MGMT: variants seen among roughly 807,000 people sequenced by gnomAD.
MGMT encodes the protein O-6-methylguanine-DNA methyltransferase.
MGMT carries 14 observed loss-of-function variants against 15.9 expected under a neutral mutation model. The observed-to-expected ratio is 0.88, with a 90% confidence interval of 0.58 to 1.37. MGMT has a LOEUF of 1.37. Among genes scored for constraint, MGMT ranks in the 40% most tolerant of loss-of-function variants. The probability of loss-of-function intolerance (pLI) is 0.00; values close to 1 mark genes in which losing one functional copy is unlikely to be tolerated. For missense variants in MGMT, 282 were observed against 268.1 expected (o/e 1.05, Z -0.36); for synonymous variants, 130 against 118.2 (o/e 1.10, Z -0.65).
chr10:129,484,988 A>G (rs1845394467), intron 1 of MGMT, among the ~76,000 whole-genome samples: 3 of 151,294 alleles, frequency 2.0e-5, no homozygotes, highest in South Asian at 4.1e-4. Flanking sequence ...TGTATTACAT[A>G]TATATGTATA....
intron 1 of MGMT, among the ~76,000 whole-genome samples, chr10:129,527,132 G>T (rs149082158): frequency 1.3e-5 from 2 of 152,178 alleles, no homozygotes; most frequent in Non-Finnish European, 2.9e-5. Flanking sequence ...CTGTTGAATC[G>T]CCTGGGCGTC....
At chr10:129,501,265 C>A (rs1052804284) in intron 1 of MGMT, among the ~76,000 whole-genome samples, 2 of 152,200 alleles carry the variant, frequency 1.3e-5, no homozygotes, top group Non-Finnish European at 2.9e-5. Context: ...CCTGATACCT[C>A]TCAGAGCTAC....
intron 3 of MGMT, among the ~76,000 whole-genome samples, chr10:129,727,689 G>T (rs1848449074): frequency 6.6e-6 from 1 of 152,132 alleles, no homozygotes; most frequent in Admixed American, 6.5e-5. Flanking sequence ...GCTGTCTCTT[G>T]TGTACAAATG....
chr10:129,767,115 TGC>T lies in MGMT; in HGVS notation c.*119_*120del, dbSNP rs1419614804. ...GCAGTGTCCTGGGAACAAGCGTGTC[TGC>T]CCTTTCTGTTTCCATATTTTACAGC... On this transcript the variant is annotated 3_prime_UTR_variant, in exon 5 of 5. Coordinates refer to ENST00000651593, the MANE Select transcript of MGMT (RefSeq NM_002412.5). 3 of 861,932 alleles carry T rather than the reference TGC, an allele frequency of 3.5e-6. No individual in the cohort carries two copies. The highest frequency in any genetic ancestry group is 5.2e-6 in the Non-Finnish European group (3 of 580,074). The allele number at this position is 861,932 out of a possible 1,614,324, so 53.4% of individuals were successfully genotyped here. A position where few individuals can be genotyped will look rare whatever the true frequency, so the allele number is the denominator to read the frequency against.
intron 3 of MGMT, among the ~76,000 whole-genome samples, chr10:129,708,315 G>A (rs1449320747): frequency 6.6e-6 from 1 of 152,184 alleles, no homozygotes; most frequent in African/African-American, 2.4e-5. Context: ...TGGCTGAAAG[G>A]TTTAAATAGG....
chr10:129,530,843 G>GC (rs985768315), intron 1 of MGMT, among the ~76,000 whole-genome samples: 25 of 152,346 alleles, frequency 1.6e-4, no homozygotes, highest in African/African-American at 5.5e-4. Context: ...GGCCTGCGTG[G>GC]CTCCTCGCCC....
At chr10:129,658,361 A>G (rs180981416) in intron 2 of MGMT, among the ~76,000 whole-genome samples, 2 of 152,176 alleles carry the variant, frequency 1.3e-5, no homozygotes, top group Non-Finnish European at 2.9e-5. Flanking sequence ...TTTGTTTTAT[A>G]AAATATGCAT....
chr10:129,585,501 G>T (rs540179799), intron 2 of MGMT, among the ~76,000 whole-genome samples: 1 of 152,124 alleles, frequency 6.6e-6, no homozygotes, highest in East Asian at 1.9e-4. Context: ...ACTAACATCC[G>T]CAGGTGCTCA....
chr10:129,731,240 C>G lies in MGMT; in HGVS notation c.274+23197C>G, dbSNP rs548328270. Among the ~76,000 whole-genome samples, 61 of 150,612 alleles carry G rather than the reference C, an allele frequency of 4.1e-4. No individual in the cohort carries two copies. The East Asian group carries it at 7.0e-3, about 17-fold the overall frequency. ...GGGCTCAGAGTGGGCTTAAATTAAC[C>G]CTTCAGACCCTCGATTCCTCTGGAC... On this transcript the variant is annotated intron_variant, in intron 3 of 4. Coordinates refer to ENST00000651593, the MANE Select transcript of MGMT (RefSeq NM_002412.5).
chr10:129,742,467 A>G (rs1336264651), intron 3 of MGMT, among the ~76,000 whole-genome samples: 1 of 151,626 alleles, frequency 6.6e-6, no homozygotes, highest in African/African-American at 2.4e-5. Flanking sequence ...CGGGGCATTC[A>G]GCAGTGCCCC....
At chr10:129,599,590 T>C (rs1459554904) in intron 2 of MGMT, among the ~76,000 whole-genome samples, 2 of 152,024 alleles carry the variant, frequency 1.3e-5, no homozygotes, top group Non-Finnish European at 2.9e-5. Flanking sequence ...CCATTGTCCT[T>C]CCCCCCTCAA....
chr10:129,469,322 G>A (rs1282339529), intron 1 of MGMT, among the ~76,000 whole-genome samples: 1 of 152,142 alleles, frequency 6.6e-6, no homozygotes, highest in Non-Finnish European at 1.5e-5. Flanking sequence ...CACACATTTA[G>A]GAGCCAGTGA....
intron 2 of MGMT, among the ~76,000 whole-genome samples, chr10:129,599,448 A>G (rs1846791463): frequency 6.6e-6 from 1 of 152,218 alleles, no homozygotes; most frequent in African/African-American, 2.4e-5. Flanking sequence ...TGGGATCCTG[A>G]TGGGTATTCC....
At chr10:129,741,451 TG>T (rs2133171938) in intron 3 of MGMT, among the ~76,000 whole-genome samples, 1 of 152,280 alleles carries the variant, frequency 6.6e-6, no homozygotes, top group African/African-American at 2.4e-5. Context: ...CTCCCCTGCA[TG>T]GGAAAGGAGG....
intron 2 of MGMT, among the ~76,000 whole-genome samples, chr10:129,604,128 G>A (rs1274991794): frequency 6.6e-6 from 1 of 152,192 alleles, no homozygotes; most frequent in Non-Finnish European, 1.5e-5. Flanking sequence ...ATGAAATGGG[G>A]AGAGGGAGGG....
At chr10:129,490,813 A>T (rs1413964) in intron 1 of MGMT, among the ~76,000 whole-genome samples, 151,815 of 152,312 alleles carry the variant, frequency 1, 75,662 homozygotes, top group Middle Eastern at 1. Flanking sequence ...AGTTTTTAAA[A>T]CCATTTTTCT....
chr10:129,740,805 G>A (rs1186270776), intron 3 of MGMT, among the ~76,000 whole-genome samples: 9 of 152,136 alleles, frequency 5.9e-5, no homozygotes, highest in Non-Finnish European at 4.4e-5. Flanking sequence ...TGGATGATGG[G>A]GGACCTTGAG....
intron 3 of MGMT, among the ~76,000 whole-genome samples, chr10:129,724,458 A>G (rs971719196): frequency 6.6e-6 from 1 of 152,190 alleles, no homozygotes; most frequent in Non-Finnish European, 1.5e-5. Context: ...CTATATCTTA[A>G]CAGGTTAGGT....
intron 2 of MGMT, among the ~76,000 whole-genome samples, chr10:129,682,069 T>A (rs1406930413): frequency 6.6e-6 from 1 of 152,098 alleles, no homozygotes; most frequent in Non-Finnish European, 1.5e-5. Flanking sequence ...CTACAGCCAC[T>A]CGGAGACCAC....
Sources: allele counts gnomAD v4.1 joint callset (sites outside exome capture counted in the v4.1 genomes callset), GRCh38; gene constraint gnomAD v4.1.1; transcripts MANE v1.5; gene names NCBI Gene and HGNC (gene_info 2026-07-23, HGNC 2026-07-21).